The following GPC6 variants were observed in gnomAD, a reference collection of about 807,000 sequenced individuals.
The protein encoded by GPC6 is glypican-6.
In GPC6, 14 loss-of-function variants were observed where a neutral mutation model predicts 55.2. That is an observed-to-expected ratio of 0.25 (90% CI 0.17 to 0.40). GPC6 has a LOEUF of 0.40. Among genes scored for constraint, GPC6 ranks in the 10% least tolerant of loss-of-function variants. The probability of loss-of-function intolerance (pLI) is 1.00; values close to 1 mark genes in which losing one functional copy is unlikely to be tolerated. For missense variants in GPC6, 641 were observed against 708.5 expected, an observed-to-expected ratio of 0.90 and a Z score of 1.08; for synonymous variants, 278 against 259.6, an observed-to-expected ratio of 1.07 and a Z score of -0.68.
At chr13:93,807,119 G>C (rs1015974061) in intron 2 of GPC6, among the ~76,000 whole-genome samples, 6 of 152,076 alleles carry the variant, frequency 3.9e-5, no homozygotes, top group African/African-American at 1.4e-4. Context: ...TCTGTTCTTA[G>C]CATTGTATAG....
chr13:93,424,862 C>T (rs1877065498), intron 1 of GPC6, among the ~76,000 whole-genome samples: 2 of 152,112 alleles, frequency 1.3e-5, no homozygotes, highest in South Asian at 4.1e-4. Flanking sequence ...AACAGGACCA[C>T]ATTTGAAGTT....
intron 1 of GPC6, among the ~76,000 whole-genome samples, chr13:93,488,894 C>G (rs1879840023): frequency 6.6e-6 from 1 of 152,074 alleles, no homozygotes; most frequent in Non-Finnish European, 1.5e-5. Context: ...GAGTAGATTG[C>G]AAAAATTTTC....
At chr13:94,281,669 A>G (rs1041762516) in intron 4 of GPC6, among the ~76,000 whole-genome samples, 6 of 152,192 alleles carry the variant, frequency 3.9e-5, no homozygotes, top group Admixed American at 6.5e-5. Context: ...TTTTAATCCA[A>G]TGCCATCCAG....
rs184945790 is a variant in GPC6 at position 93,813,421 on chromosome 13, G to A, written c.320-16733G>A. On this transcript the variant is annotated intron_variant, in intron 2 of 8. Transcript: ENST00000377047. ...TGAGAGAACTTTGCATAACTTCTGG[G>A]GATAATGTAATCTCATATTTATTTA... is the stretch of plus-strand genomic sequence containing the variant. 3.7e-4 allele frequency among the ~76,000 whole-genome samples: 56 copies of A among 151,940 alleles called. No homozygotes were observed. The East Asian group carries it at 0.01, about 28-fold the overall frequency.
intron 2 of GPC6, among the ~76,000 whole-genome samples, chr13:93,753,783 T>G (rs1208399056): frequency 6.6e-6 from 1 of 152,000 alleles, no homozygotes; most frequent in Non-Finnish European, 1.5e-5. Context: ...CTCTGTCTTA[T>G]TTATTTATTT....
chr13:94,286,519 TA>T, intron 5 of GPC6, 40 bp downstream of exon 5: 9 of 1,570,986 alleles, frequency 5.7e-6, no homozygotes, highest in Non-Finnish European at 7.0e-6. Flanking sequence ...ACATGTATGT[TA>T]TACAGGTGCA....
intron 1 of GPC6, among the ~76,000 whole-genome samples, chr13:93,523,087 T>C (rs1881487201): frequency 6.6e-6 from 1 of 150,596 alleles, no homozygotes; most frequent in African/African-American, 2.4e-5. Flanking sequence ...GTGTGTAACA[T>C]GGTGTATGAC....
intron 4 of GPC6, among the ~76,000 whole-genome samples, chr13:94,045,695 C>A (rs1303215826): frequency 6.6e-6 from 1 of 151,206 alleles, no homozygotes; most frequent in African/African-American, 2.4e-5. Flanking sequence ...TGTAACTCAG[C>A]CACTTGTTAG....
intron 4 of GPC6, among the ~76,000 whole-genome samples, chr13:94,102,603 AATGTAC>A (rs1885907564): frequency 6.6e-6 from 1 of 152,016 alleles, no homozygotes; most frequent in Non-Finnish European, 1.5e-5. Context: ...GTAAGACATA[AATGTAC>A]ATTATAGGAA....
At chr13:93,893,904 A>G (rs953071828) in intron 3 of GPC6, among the ~76,000 whole-genome samples, 1 of 152,160 alleles carries the variant, frequency 6.6e-6, no homozygotes, top group Non-Finnish European at 1.5e-5. Flanking sequence ...ACAGTTTTCA[A>G]TAACCATTAT....
At chr13:93,889,307 T>G (rs1875527199) in intron 3 of GPC6, among the ~76,000 whole-genome samples, 2 of 152,088 alleles carry the variant, frequency 1.3e-5, no homozygotes. Context: ...ATAGTTTTTT[T>G]CCCCAAACGA....
chr13:93,637,163 C>A (rs1284062817), intron 2 of GPC6, among the ~76,000 whole-genome samples: 1 of 152,082 alleles, frequency 6.6e-6, no homozygotes, highest in African/African-American at 2.4e-5. Flanking sequence ...CTATTGGGTT[C>A]ATAGCAAACC....
At chr13:94,307,882 T>G (rs542065531) in intron 6 of GPC6, among the ~76,000 whole-genome samples, 11 of 152,294 alleles carry the variant, frequency 7.2e-5, no homozygotes, top group Admixed American at 2.0e-4. Context: ...CAATTCAGTC[T>G]TTTCTGAATT....
intron 3 of GPC6, among the ~76,000 whole-genome samples, chr13:93,871,638 G>A (rs1389201534): frequency 1.3e-5 from 2 of 148,402 alleles, no homozygotes; most frequent in African/African-American, 4.9e-5. Context: ...TGGAAGTCAG[G>A]TGTTAAAGCA....
intron 4 of GPC6, among the ~76,000 whole-genome samples, chr13:94,041,893 A>G (rs78416705): frequency 1.3e-5 from 2 of 152,032 alleles, no homozygotes; most frequent in Non-Finnish European, 2.9e-5. Context: ...AAATTTACAT[A>G]TACCTATCAC....
intron 1 of GPC6, among the ~76,000 whole-genome samples, chr13:93,323,479 G>A (rs368599564): frequency 1.1e-4 from 16 of 151,994 alleles, no homozygotes; most frequent in East Asian, 5.8e-4. Flanking sequence ...CTTCATGAGC[G>A]TTTCACTGTT....
chr13:93,792,971 A>G (rs7328384), intron 2 of GPC6, among the ~76,000 whole-genome samples: 5,005 of 152,250 alleles, frequency 0.033, 265 homozygotes, highest in African/African-American at 0.11. Context: ...TCTGACCCCC[A>G]TACCTCTCAT....
chr13:93,926,208 G>A (rs1186344145), intron 3 of GPC6, among the ~76,000 whole-genome samples: 1 of 152,076 alleles, frequency 6.6e-6, no homozygotes, highest in Non-Finnish European at 1.5e-5. Context: ...GCCTAGATAG[G>A]GAAGACATGG....
chr13:94,169,717 G>T (rs1167426857), intron 4 of GPC6, among the ~76,000 whole-genome samples: 1 of 152,050 alleles, frequency 6.6e-6, no homozygotes, highest in Non-Finnish European at 1.5e-5. Flanking sequence ...TTGGGAGAGT[G>T]GTTGATTGGG....
Sources: gnomAD v4.1 joint callset for allele counts (sites outside exome capture counted in the v4.1 genomes callset) on GRCh38, gnomAD v4.1.1 for gene constraint, MANE v1.5 for transcripts, NCBI Gene and HGNC (gene_info 2026-07-23, HGNC 2026-07-21) for gene names.